The following PDE6G variants were observed in gnomAD, a reference collection of about 807,000 sequenced individuals.
PDE6G encodes rod cGMP 3',5'-cyclic phosphodiesterase subunit gamma.
A neutral mutation model predicts 10.9 loss-of-function variants in PDE6G; 10 were observed. That is an observed-to-expected ratio of 0.91 (90% confidence interval 0.56 to 1.55). PDE6G has a LOEUF of 1.55. PDE6G is among the 40% of genes most tolerant of loss of function. The pLI, the probability that PDE6G is intolerant of heterozygous loss-of-function variation, is 0.00. For synonymous variants in PDE6G, 41 were observed against 42.8 expected, an observed-to-expected ratio of 0.96 and a Z score of 0.16; for missense variants, 102 against 110.1, an observed-to-expected ratio of 0.93 and a Z score of 0.33.
At chr17:81,655,983 G>A (rs958002708) in intron 1 of PDE6G, among the ~76,000 whole-genome samples, 2 of 152,164 alleles carry the variant, frequency 1.3e-5, no homozygotes, top group African/African-American at 4.8e-5. Context: ...ACCAGCACCA[G>A]CCTGTGCAAA....
chr17:81,651,287 G>T lies in PDE6G; in HGVS notation c.188-137C>A. On this transcript the variant is annotated intron_variant, in intron 3 of 3. Coordinates refer to ENST00000331056, the MANE Select transcript of PDE6G (RefSeq NM_002602.4). This position sits in a 1 kb window ranked among gnomAD's most constrained non-coding sequence, Gnocchi z 4.8. Reference sequence around the variant, plus strand: ...GGGGACGTGCGGACGCTGGAGTGGGGCCCTCCTCTGGGGACACACTGGCTG... The same window carrying T: ...GGGGACGTGCGGACGCTGGAGTGGGTCCCTCCTCTGGGGACACACTGGCTG... 2 of 706,632 alleles carry T rather than the reference G, an allele frequency of 2.8e-6. No individual in the cohort carries two copies. The highest frequency in any genetic ancestry group is 2.7e-5 in the East Asian group (1 of 37,120). 43.8% of individuals were successfully genotyped at this position (706,632 alleles called of 1,614,324 possible).
upstream of PDE6G, among the ~76,000 whole-genome samples, chr17:81,660,798 A>G (rs2036503569): frequency 6.6e-6 from 1 of 152,156 alleles, no homozygotes; most frequent in Non-Finnish European, 1.5e-5. Flanking sequence ...GGCCGGACAT[A>G]CGTAGTTTTT....
intron 1 of PDE6G, among the ~76,000 whole-genome samples, chr17:81,654,115 C>A (rs1417029675): frequency 1.3e-5 from 2 of 151,990 alleles, no homozygotes; most frequent in Non-Finnish European, 2.9e-5. Context: ...CGCACCCGGC[C>A]CAGCTGCTAC....
chr17:81,658,090 T>C (rs1470669003), upstream of PDE6G, among the ~76,000 whole-genome samples: 1 of 151,538 alleles, frequency 6.6e-6, no homozygotes, highest in Non-Finnish European at 1.5e-5. Flanking sequence ...TCTTATTTTA[T>C]TATTTCATTT....
Position 81,651,300 on chromosome 17 carries a change from G to A in PDE6G, c.188-150C>T. The A allele has an allele frequency of 1.5e-6, 1 of 684,876 alleles. No homozygotes were observed. Among genetic ancestry groups the A allele is most frequent in the South Asian group, 1.6e-5 (1 of 62,070 alleles). 42.4% of individuals were successfully genotyped at this position (684,876 alleles called of 1,614,324 possible). On this transcript the variant is annotated intron_variant, in intron 3 of 3. Coordinates refer to ENST00000331056, the MANE Select transcript of PDE6G (RefSeq NM_002602.4). The surrounding 1 kb of genome is among the most constrained non-coding windows in gnomAD (Gnocchi z 4.8). ...CGCTGGAGTGGGGCCCTCCTCTGGG[G>A]ACACACTGGCTGTGGGGGAAGGAGG... is the stretch of plus-strand genomic sequence containing the variant.
At position 81,653,953 on chromosome 17, in the gene PDE6G, G is replaced by A. The variant is rs913675190; in HGVS notation, c.-59-589C>T. Reference sequence around the variant, plus strand: ...AGCCTCCCCAGCAGCTGGGATTACCGGCGTCTGCCACCATGCCCGGCTAAT... The same window carrying A: ...AGCCTCCCCAGCAGCTGGGATTACCAGCGTCTGCCACCATGCCCGGCTAAT... On this transcript the variant is annotated intron_variant, in intron 1 of 3. Coordinates refer to ENST00000331056, the MANE Select transcript of PDE6G (RefSeq NM_002602.4). The surrounding 1 kb of genome is among the most constrained non-coding windows in gnomAD (Gnocchi z 5.2). Among the ~76,000 whole-genome samples the A allele has an allele frequency of 9.2e-5, 14 of 152,104 alleles. No individual in the cohort carries two copies. The highest frequency in any genetic ancestry group is 2.7e-4 in the African/African-American group (11 of 41,416).
chr17:81,651,216 G>T lies in PDE6G; in HGVS notation c.188-66C>A. 1 of 1,238,950 alleles carries T rather than the reference G, an allele frequency of 8.1e-7. No individual in the cohort carries two copies. Among genetic ancestry groups the T allele is most frequent in the South Asian group, 1.2e-5 (1 of 82,462 alleles). The allele number at this position is 1,238,950 out of a possible 1,614,324, so 76.7% of individuals were successfully genotyped here. ...GCCTAGGGACCCCCCCATCCCCTGT[G>T]GCCCTGTTTCCCACAGCCCAGGTGT... is the stretch of plus-strand genomic sequence containing the variant. On this transcript the variant is annotated intron_variant, in intron 3 of 3. Coordinates refer to ENST00000331056, the MANE Select transcript of PDE6G (RefSeq NM_002602.4). This position sits in a 1 kb window ranked among gnomAD's most constrained non-coding sequence, Gnocchi z 4.8.
In PDE6G at chr17:81,653,210, CT is replaced by C. The variant is rs1483458455; in HGVS notation, c.95del (p.Gln32ArgfsTer62). 1 of 1,614,040 alleles carries C rather than the reference CT, an allele frequency of 6.2e-7. No individual in the cohort carries two copies. The highest frequency in any genetic ancestry group is 2.2e-5 in the East Asian group (1 of 44,878). ...TPRKGPPKFKQRQTRQFKSKP... is the reference protein window; with the variant it reads ...TPRKGPPKFKXRQTRQFKSKP... ...TGCTCTTGAACTGCCTGGTCTGTCG[CT>C]GCTTAAATTTAGGGGGCCCTTTCCT... On this transcript the variant is annotated frameshift_variant, in exon 2 of 4. Coordinates refer to ENST00000331056, the MANE Select transcript of PDE6G (RefSeq NM_002602.4). LOFTEE classifies it high-confidence loss of function. This position sits in a 1 kb window ranked among gnomAD's most constrained non-coding sequence, Gnocchi z 5.2.
At chr17:81,659,958 G>A (rs2036495302), upstream of PDE6G, among the ~76,000 whole-genome samples, 1 of 152,170 alleles carries the variant, frequency 6.6e-6, no homozygotes, top group Non-Finnish European at 1.5e-5. Flanking sequence ...GGTGGTGCAT[G>A]CTTGTAATCC....
At chr17:81,661,938 G>A (rs2036516216) in intron 1 of PDE6G, among the ~76,000 whole-genome samples, 1 of 151,792 alleles carries the variant, frequency 6.6e-6, no homozygotes, top group East Asian at 1.9e-4. Flanking sequence ...GGTTGAGGCA[G>A]GAGAATCACT....
upstream of PDE6G, among the ~76,000 whole-genome samples, chr17:81,659,716 G>T (rs1459863463): frequency 6.6e-6 from 1 of 152,126 alleles, no homozygotes; most frequent in African/African-American, 2.4e-5. Flanking sequence ...TTGCAGAACC[G>T]GTTCTGATGA....
In PDE6G at chr17:81,651,362, G is replaced by A. The variant is rs75846350; in HGVS notation, c.188-212C>T. ...AGGTCCAGGGGAGGGAACCAGAGGA[G>A]GGTGGGGCTTGCTGAAGGGGGAGGA... On this transcript the variant is annotated intron_variant, in intron 3 of 3. Transcript: ENST00000331056. The surrounding 1 kb of genome is among the most constrained non-coding windows in gnomAD (Gnocchi z 4.8). 5.8e-4 allele frequency among the ~76,000 whole-genome samples: 89 copies of A among 152,232 alleles called. No individual in the cohort carries two copies. The highest frequency in any genetic ancestry group is 2.7e-3 in the East Asian group (14 of 5,182).
chr17:81,659,151 CT>C (rs779928637), upstream of PDE6G, among the ~76,000 whole-genome samples: 4,106 of 114,624 alleles, frequency 0.036, 154 homozygotes, highest in African/African-American at 0.13. Context: ...CAATCCATAT[CT>C]TTTTTTTTTT....
At chr17:81,657,868 G>A (rs960942255), upstream of PDE6G, among the ~76,000 whole-genome samples, 14 of 151,098 alleles carry the variant, frequency 9.3e-5, no homozygotes, top group East Asian at 2.0e-4. Context: ...GCGACAGAGC[G>A]AGATTCTGTT....
At position 81,653,107 on chromosome 17, in the gene PDE6G, G is replaced by T; in HGVS notation, c.146+53C>A. On this transcript the variant is annotated intron_variant, in intron 2 of 3. Coordinates refer to ENST00000331056, the MANE Select transcript of PDE6G (RefSeq NM_002602.4). The surrounding 1 kb of genome is among the most constrained non-coding windows in gnomAD (Gnocchi z 5.2). ...TGCCCCGCCCTCCCCTTCCTGTGCA[G>T]CCTCAGGACCGCCTCCTCCCTTTCA... The T allele has an allele frequency of 6.3e-7, 1 of 1,597,572 alleles. No homozygotes were observed. The highest frequency in any genetic ancestry group is 1.1e-5 in the South Asian group (1 of 90,786).
chr17:81,651,581 G>A lies in PDE6G; in HGVS notation c.187+64C>T. 1 of 1,518,074 alleles carries A rather than the reference G, an allele frequency of 6.6e-7. No individual in the cohort carries two copies. The highest frequency in any genetic ancestry group is 9.2e-7 in the Non-Finnish European group (1 of 1,092,698). 94.0% of individuals were successfully genotyped at this position (1,518,074 alleles called of 1,614,324 possible). A position where few individuals can be genotyped will look rare whatever the true frequency, so the allele number is the denominator to read the frequency against. Reference sequence around the variant, plus strand: ...CCGAGGTGGGCTGCAATGGGCCCCGGGCGTGCTGGGTGTGCCTGGGGGGAC... The same window carrying A: ...CCGAGGTGGGCTGCAATGGGCCCCGAGCGTGCTGGGTGTGCCTGGGGGGAC... On this transcript the variant is annotated intron_variant, in intron 3 of 3. Transcript: ENST00000331056. The surrounding 1 kb of genome is among the most constrained non-coding windows in gnomAD (Gnocchi z 4.8).
At chr17:81,654,667 C>T (rs2036419507) in intron 1 of PDE6G, among the ~76,000 whole-genome samples, 1 of 151,936 alleles carries the variant, frequency 6.6e-6, no homozygotes, top group African/African-American at 2.4e-5. Context: ...CAGGCGTGAG[C>T]CACCGCGCCC....
upstream of PDE6G, among the ~76,000 whole-genome samples, chr17:81,659,618 A>G (rs1470234617): frequency 6.6e-6 from 1 of 152,090 alleles, no homozygotes; most frequent in Non-Finnish European, 1.5e-5. Context: ...TAAATAATAA[A>G]AAAGAAATTA....
upstream of PDE6G, among the ~76,000 whole-genome samples, chr17:81,659,151 CTTTTTTT>C (rs779928637): frequency 1.7e-5 from 2 of 114,702 alleles, no homozygotes; most frequent in African/African-American, 3.3e-5. Flanking sequence ...CAATCCATAT[CTTTTTTT>C]TTTTTTTTTT....
Sources: gnomAD v4.1 joint callset for allele counts (sites outside exome capture counted in the v4.1 genomes callset) on GRCh38, gnomAD v4.1.1 for gene constraint, Gnocchi (gnomAD v3.1) non-coding constraint, MANE v1.5 for transcripts, NCBI Gene and HGNC (gene_info 2026-07-23, HGNC 2026-07-21) for gene names.